Variants in TLE4 observed in about 807,000 individuals in gnomAD.
TLE4 encodes the protein transducin-like enhancer protein 4.
Under a neutral mutation model 92.8 loss-of-function variants are expected in TLE4, and 8 were observed. The ratio of observed to expected loss-of-function variants is 0.09; its 90% CI spans 0.05 to 0.16. The LOEUF is 0.16. Ranked by LOEUF, TLE4 falls within the 10% of genes least tolerant of loss-of-function variation. The probability of loss-of-function intolerance (pLI) is 1.00; values close to 1 mark genes in which losing one functional copy is unlikely to be tolerated. For synonymous variants in TLE4, 371 were observed against 374.1 expected (o/e 0.99, Z 0.10); for missense variants, 675 against 997.6 (o/e 0.68, Z 4.36).
intron 8 of TLE4, among the ~76,000 whole-genome samples, chr9:79,680,768 A>T (rs1222318054): frequency 6.6e-6 from 1 of 152,168 alleles, no homozygotes; most frequent in Non-Finnish European, 1.5e-5. Context: ...TGGGTTTGTC[A>T]TAGATAGCTT....
chr9:79,573,112 C>A, intron 1 of TLE4: 1 of 601,358 alleles, frequency 1.7e-6, no homozygotes, highest in Non-Finnish European at 2.4e-6. Flanking sequence ...CCCCGCGCCG[C>A]GACTCCTCGA....
At chr9:79,663,048 G>A (rs1187919398) in intron 8 of TLE4, among the ~76,000 whole-genome samples, 12 of 125,478 alleles carry the variant, frequency 9.6e-5, no homozygotes, top group Non-Finnish European at 1.9e-4. Context: ...CCCAACCTGG[G>A]TGGGGGTGGG....
At chr9:79,680,410 T>A (rs908199053) in intron 8 of TLE4, among the ~76,000 whole-genome samples, 1 of 152,214 alleles carries the variant, frequency 6.6e-6, no homozygotes, top group Non-Finnish European at 1.5e-5. Context: ...AGTTCACTCA[T>A]GATTTGGCTC....
chr9:79,712,659 T>C (rs2073612024), intron 14 of TLE4, among the ~76,000 whole-genome samples: 1 of 152,250 alleles, frequency 6.6e-6, no homozygotes. Flanking sequence ...AAATGGTGTT[T>C]ATTGTATAAT....
intron 16 of TLE4, 73 bp downstream of exon 16, chr9:79,720,366 A>G: frequency 1.3e-6 from 2 of 1,504,930 alleles, no homozygotes; most frequent in Non-Finnish European, 8.9e-7. Flanking sequence ...AGTGCTGTGT[A>G]TATAGGTATG....
intron 5 of TLE4, among the ~76,000 whole-genome samples, chr9:79,622,172 TTA>T (rs2051182612): frequency 6.6e-6 from 1 of 152,214 alleles, no homozygotes; most frequent in African/African-American, 2.4e-5. Flanking sequence ...ACTTGGTTCT[TTA>T]AAGCATTTCC....
intron 16 of TLE4, among the ~76,000 whole-genome samples, chr9:79,721,035 A>G (rs2075548638): frequency 6.6e-6 from 1 of 152,240 alleles, no homozygotes; most frequent in Non-Finnish European, 1.5e-5. Context: ...AGAGGTAGCT[A>G]CAAGTCAGGT....
chr9:79,597,704 C>G (rs190362699), intron 4 of TLE4, among the ~76,000 whole-genome samples: 7 of 152,244 alleles, frequency 4.6e-5, no homozygotes, highest in African/African-American at 1.7e-4. Context: ...TTAGCCACAC[C>G]CAGTCAAACA....
intron 8 of TLE4, among the ~76,000 whole-genome samples, chr9:79,667,987 G>A (rs2061673343): frequency 6.6e-6 from 1 of 152,222 alleles, no homozygotes; most frequent in Admixed American, 6.5e-5. Context: ...TAGTTTACGT[G>A]AAAAGTCGTT....
chr9:79,649,946 C>G (rs1224468579), intron 6 of TLE4: 13 of 1,172,742 alleles, frequency 1.1e-5, no homozygotes, highest in African/African-American at 1.6e-5. Context: ...GACAGGGTTT[C>G]ACTCTGTCAC....
intron 8 of TLE4, among the ~76,000 whole-genome samples, chr9:79,679,576 C>G (rs568249152): frequency 4.7e-4 from 71 of 152,206 alleles, no homozygotes; most frequent in Admixed American, 1.6e-3. Flanking sequence ...TGCCTGTTCA[C>G]TCTGATGGTA....
At chr9:79,696,804 C>CAAAAAA (rs2135685456) in intron 8 of TLE4, among the ~76,000 whole-genome samples, 1 of 152,282 alleles carries the variant, frequency 6.6e-6, no homozygotes, top group African/African-American at 2.4e-5. Context: ...TCAGCTTTGT[C>CAAAAAA]AAAGCAGCTG....
intron 4 of TLE4, among the ~76,000 whole-genome samples, chr9:79,598,087 A>C (rs900595643): frequency 9.3e-5 from 14 of 150,198 alleles, no homozygotes; most frequent in African/African-American, 2.0e-4. Flanking sequence ...AAAAAAAAAA[A>C]AAAAAAAAAA....
intron 6 of TLE4, among the ~76,000 whole-genome samples, chr9:79,639,287 A>G (rs998604402): frequency 7.2e-5 from 11 of 152,146 alleles, no homozygotes; most frequent in South Asian, 2.1e-4. Context: ...TGGGTATTCT[A>G]TACCTTGCAG....
At chr9:79,717,835 C>T (rs1051184737) in intron 14 of TLE4, among the ~76,000 whole-genome samples, 1 of 152,076 alleles carries the variant, frequency 6.6e-6, no homozygotes, top group Non-Finnish European at 1.5e-5. Context: ...TATGATAGTC[C>T]CCAAGATAGG....
In TLE4 at chr9:79,674,343, A is replaced by AC. The variant is rs1402244051; in HGVS notation, c.609+20268_609+20269insC. 5.9e-5 allele frequency among the ~76,000 whole-genome samples: 9 copies of AC among 152,198 alleles called. No individual in the cohort carries two copies. The East Asian group carries it at 1.7e-3, about 29-fold the overall frequency. On this transcript the variant is annotated intron_variant, in intron 8 of 19. Coordinates refer to ENST00000376552, the MANE Select transcript of TLE4 (RefSeq NM_007005.6). The stretch of plus-strand genomic sequence containing the variant: ...AAAGTGAGACACAGTGAGACTAAGT[A>AC]AGTTGCCTCTGGTTCACCCAGAACA...
intron 8 of TLE4, among the ~76,000 whole-genome samples, chr9:79,679,033 TG>T (rs2063863502): frequency 6.6e-6 from 1 of 152,054 alleles, no homozygotes; most frequent in African/African-American, 2.4e-5. Flanking sequence ...GTTGGACATT[TG>T]GGTTGGTTCC....
At chr9:79,674,055 TC>T (rs2062850291) in intron 8 of TLE4, among the ~76,000 whole-genome samples, 1 of 152,114 alleles carries the variant, frequency 6.6e-6, no homozygotes, top group Non-Finnish European at 1.5e-5. Context: ...CAAGTGGGGA[TC>T]CCTTCCCAGA....
chr9:79,709,897 G>T (rs1459740557), intron 14 of TLE4, among the ~76,000 whole-genome samples, 198 bp downstream of exon 14: 1 of 152,196 alleles, frequency 6.6e-6, no homozygotes, highest in Non-Finnish European at 1.5e-5. Flanking sequence ...AAAATTTTGA[G>T]CTTTAATATG....
Sources: allele counts gnomAD v4.1 joint callset (sites outside exome capture counted in the v4.1 genomes callset), GRCh38; gene constraint gnomAD v4.1.1; transcripts MANE v1.5; gene names NCBI Gene and HGNC (gene_info 2026-07-23, HGNC 2026-07-21).